ADGRL2: variants seen among roughly 807,000 people sequenced by gnomAD.
ADGRL2 encodes adhesion G protein-coupled receptor L2, also known as calcium-independent alpha-latrotoxin receptor 2.
In ADGRL2, 44 loss-of-function variants were observed where a neutral mutation model predicts 157.4. The ratio of observed to expected loss-of-function variants is 0.28; its 90% confidence interval spans 0.22 to 0.36. The LOEUF is 0.36. Among genes scored for constraint, ADGRL2 ranks in the 10% least tolerant of loss-of-function variants. The pLI, the probability that ADGRL2 is intolerant of heterozygous loss-of-function variation, is 1.00. For missense variants in ADGRL2, 1,510 were observed against 1,768.9 expected (o/e 0.85, Z 2.63); for synonymous variants, 585 against 624.7 (o/e 0.94, Z 0.95).
At chr1:81,320,213 C>T (rs961392024) in intron 1 of ADGRL2, among the ~76,000 whole-genome samples, 1 of 152,188 alleles carries the variant, frequency 6.6e-6, no homozygotes, top group South Asian at 2.1e-4. Flanking sequence ...AATTCAGTGA[C>T]ATCTTCAGGC....
chr1:81,501,901 C>T, intron 2 of ADGRL2: 2 of 1,612,300 alleles, frequency 1.2e-6, no homozygotes, highest in Non-Finnish European at 1.7e-6. Flanking sequence ...AAGCCCAGTT[C>T]TTGTATGCCC....
chr1:81,523,006 C>T (rs2079359572), intron 2 of ADGRL2, among the ~76,000 whole-genome samples: 1 of 151,684 alleles, frequency 6.6e-6, no homozygotes, highest in Non-Finnish European at 1.5e-5. Flanking sequence ...GTTGAGGCTA[C>T]AATTAAAGAT....
chr1:81,432,400 G>T (rs1246954997), intron 1 of ADGRL2, among the ~76,000 whole-genome samples: 1 of 152,156 alleles, frequency 6.6e-6, no homozygotes, highest in Middle Eastern at 3.2e-3. Flanking sequence ...ATTCAGATGA[G>T]CCACCCCAGT....
At chr1:81,595,167 G>A (rs2148606855) in intron 3 of ADGRL2, among the ~76,000 whole-genome samples, 1 of 152,278 alleles carries the variant, frequency 6.6e-6, no homozygotes, top group Non-Finnish European at 1.5e-5. Flanking sequence ...GAGTGAAGGG[G>A]CAGGGGATGG....
chr1:81,419,695 T>C (rs12722932), intron 1 of ADGRL2, among the ~76,000 whole-genome samples: 32,634 of 152,202 alleles, frequency 0.21, 4,569 homozygotes, highest in Non-Finnish European at 0.31. Flanking sequence ...CTATGGACAA[T>C]GCTTCAGAAA....
intron 2 of ADGRL2, among the ~76,000 whole-genome samples, chr1:81,769,632 T>C (rs974696763): frequency 2.0e-5 from 3 of 151,878 alleles, no homozygotes; most frequent in Non-Finnish European, 4.4e-5. Flanking sequence ...CTCTTGCTCT[T>C]CTTCAGCAAT....
At chr1:81,593,566 C>T (rs997120446) in intron 3 of ADGRL2, among the ~76,000 whole-genome samples, 4 of 152,148 alleles carry the variant, frequency 2.6e-5, no homozygotes, top group Non-Finnish European at 5.9e-5. Context: ...CACTTATCTA[C>T]TATCTTATTT....
chr1:81,442,056 A>G (rs1389616468), intron 1 of ADGRL2, among the ~76,000 whole-genome samples: 1 of 151,782 alleles, frequency 6.6e-6, no homozygotes, highest in Non-Finnish European at 1.5e-5. Flanking sequence ...CTAGTCTCTG[A>G]CTCCTGGGCT....
chr1:81,610,547 T>A (rs1266520031), intron 3 of ADGRL2, among the ~76,000 whole-genome samples: 2 of 152,130 alleles, frequency 1.3e-5, no homozygotes, highest in Non-Finnish European at 2.9e-5. Context: ...TTATTCCAAA[T>A]GTAATGGGAA....
chr1:81,765,022 T>C (rs757520897), intron 2 of ADGRL2, among the ~76,000 whole-genome samples: 30 of 152,054 alleles, frequency 2.0e-4, no homozygotes, highest in Non-Finnish European at 3.8e-4. Context: ...TTATATATTG[T>C]GTATTTTGAT....
chr1:81,894,292 C>G (rs2094334710), intron 2 of ADGRL2, among the ~76,000 whole-genome samples: 1 of 151,998 alleles, frequency 6.6e-6, no homozygotes, highest in Non-Finnish European at 1.5e-5. Context: ...CAGTTTGCAT[C>G]TATTGTGTTT....
chr1:81,416,413 GTT>G lies in ADGRL2; in HGVS notation c.-301-28619_-301-28618del, dbSNP rs1246751018. Among the ~76,000 whole-genome samples the G allele has an allele frequency of 2.6e-5, 4 of 151,994 alleles. No individual in the cohort carries two copies. In the East Asian group the frequency reaches 7.7e-4, roughly 29 times the overall value. On this transcript the variant is annotated intron_variant, in intron 1 of 24. Coordinates refer to the ADGRL2 transcript ENST00000370721. ...TACATTAACAGAGACTTGCTAAAGA[GTT>G]TTTATGGTTATACTTCAGCTTGTTC...
At chr1:81,958,147 C>G (rs1031662342) in intron 11 of ADGRL2, among the ~76,000 whole-genome samples, 2 of 151,962 alleles carry the variant, frequency 1.3e-5, no homozygotes, top group African/African-American at 4.8e-5. Context: ...ATCCCAGCTA[C>G]TCAAGAGGCT....
chr1:81,777,263 A>G (rs926579109), intron 2 of ADGRL2, among the ~76,000 whole-genome samples: 1 of 152,160 alleles, frequency 6.6e-6, no homozygotes, highest in Non-Finnish European at 1.5e-5. Flanking sequence ...AGCCTAAATC[A>G]CTTCTTCTTT....
At chr1:81,342,236 T>C (rs957547661) in intron 1 of ADGRL2, among the ~76,000 whole-genome samples, 3 of 152,204 alleles carry the variant, frequency 2.0e-5, no homozygotes, top group Admixed American at 2.0e-4. Context: ...CCCAAATGAA[T>C]CTACTAAAAA....
At chr1:81,844,443 T>C (rs1326582471) in intron 2 of ADGRL2, among the ~76,000 whole-genome samples, 1 of 152,202 alleles carries the variant, frequency 6.6e-6, no homozygotes, top group African/African-American at 2.4e-5. Context: ...AGATAAGTGA[T>C]TGAACACATC....
intron 1 of ADGRL2, among the ~76,000 whole-genome samples, chr1:81,811,954 G>A (rs1253530352): frequency 2.0e-5 from 3 of 151,364 alleles, no homozygotes; most frequent in Non-Finnish European, 4.4e-5. Context: ...GAAATACACT[G>A]TCTGAGTATG....
intron 1 of ADGRL2, among the ~76,000 whole-genome samples, chr1:81,728,022 T>C (rs2084597290): frequency 6.6e-6 from 1 of 152,142 alleles, no homozygotes; most frequent in Non-Finnish European, 1.5e-5. Context: ...CAAGTGACTA[T>C]TGGTATATTT....
At position 81,604,232 on chromosome 1, in the gene ADGRL2, T is replaced by C. The variant is rs146230573; in HGVS notation, c.-143+23252T>C. On this transcript the variant is annotated intron_variant, in intron 3 of 24. Transcript: ENST00000370721. ...TGCCCACTTTGGCCTCCCAAAGTGC[T>C]GGGATTACAGGCGTGAGCCGCTGTG... Among the ~76,000 whole-genome samples the C allele has an allele frequency of 5.8e-3, 878 of 152,324 alleles. 6 individuals carry two copies. The highest frequency in any genetic ancestry group is 0.02 in the African/African-American group (831 of 41,582).
Sources: allele counts gnomAD v4.1 joint callset (sites outside exome capture counted in the v4.1 genomes callset), GRCh38; gene constraint gnomAD v4.1.1; transcripts MANE v1.5; gene names NCBI Gene and HGNC (gene_info 2026-07-23, HGNC 2026-07-21).